The following MYO9A variants were observed in gnomAD, a reference collection of about 807,000 sequenced individuals.
The protein encoded by MYO9A is unconventional myosin-IXa.
MYO9A carries 103 observed loss-of-function variants against 293.3 expected under a neutral mutation model. The observed-to-expected ratio is 0.35, with a 90% CI of 0.30 to 0.41. The LOEUF (loss-of-function observed/expected upper bound fraction) is 0.41, where lower values mean the gene tolerates loss of function less well. Ranked by LOEUF, MYO9A falls within the 10% of genes least tolerant of loss-of-function variation. The pLI, the probability that MYO9A is intolerant of heterozygous loss-of-function variation, is 1.00. For synonymous variants in MYO9A, 1,001 were observed against 1,035.7 expected (o/e 0.97, Z 0.64); for missense variants, 2,685 against 3,033.0 (o/e 0.89, Z 2.69).
At chr15:72,040,997 C>T (rs2078210746) in intron 2 of MYO9A, among the ~76,000 whole-genome samples, 1 of 152,160 alleles carries the variant, frequency 6.6e-6, no homozygotes, top group Non-Finnish European at 1.5e-5. Context: ...GTAATTCTAG[C>T]ACTTTGGGAA....
At chr15:72,085,287 G>T (rs1315802319) in intron 1 of MYO9A, among the ~76,000 whole-genome samples, 1 of 152,034 alleles carries the variant, frequency 6.6e-6, no homozygotes, top group Non-Finnish European at 1.5e-5. Flanking sequence ...CCGCTTTTCG[G>T]GAAGCTGAGG....
At chr15:71,883,868 A>G in intron 27 of MYO9A, 132 bp from the exon 28 acceptor site, 1 of 807,732 alleles carries the variant, frequency 1.2e-6, no homozygotes, top group Non-Finnish European at 1.8e-6. Context: ...AATTAAGTGT[A>G]TTTATCTTTA....
intron 1 of MYO9A, among the ~76,000 whole-genome samples, chr15:72,062,313 A>G (rs2078900865): frequency 6.6e-6 from 1 of 152,240 alleles, no homozygotes; most frequent in Non-Finnish European, 1.5e-5. Flanking sequence ...GAACACCCAC[A>G]GGCATCAAGA....
chr15:72,008,654 T>C (rs1326677184), intron 7 of MYO9A, among the ~76,000 whole-genome samples: 1 of 152,112 alleles, frequency 6.6e-6, no homozygotes, highest in Non-Finnish European at 1.5e-5. Context: ...TTATGCTATA[T>C]ATCCCATCAA....
In MYO9A at chr15:71,823,895, T is replaced by A. The variant is rs558000515; in HGVS notation, c.*2685A>T. 6.6e-6 allele frequency: 1 copy of A among 152,352 alleles called. No individual in the cohort carries two copies. The highest frequency in any genetic ancestry group is 2.4e-5 in the African/African-American group (1 of 41,576). 9.4% of individuals were successfully genotyped at this position (152,352 alleles called of 1,614,324 possible). A position where few individuals can be genotyped will look rare whatever the true frequency, so the allele number is the denominator to read the frequency against. On this transcript the variant is annotated 3_prime_UTR_variant, in exon 42 of 42. Coordinates refer to ENST00000356056, the MANE Select transcript of MYO9A (RefSeq NM_006901.4). ...GTGATGCATATTAAGGGCTAACAGT[T>A]TCATAAGTGATTGTAATGCGGCATC...
chr15:72,047,770 CTTCCTT>C (rs1166483496), intron 1 of MYO9A, among the ~76,000 whole-genome samples: 2 of 74,278 alleles, frequency 2.7e-5, no homozygotes, highest in Non-Finnish European at 5.1e-5. Flanking sequence ...CTTTCAGTTA[CTTCCTT>C]TTTTTTTTTT....
intron 1 of MYO9A, among the ~76,000 whole-genome samples, chr15:72,082,528 CTTTA>C (rs752868910): frequency 1.3e-5 from 2 of 152,050 alleles, no homozygotes; most frequent in African/African-American, 2.4e-5. Flanking sequence ...TTTAAATGCC[CTTTA>C]TTTCTTTCCC....
At position 71,941,787 on chromosome 15, in the gene MYO9A, T is replaced by C. The variant is rs947364240; in HGVS notation, c.2303-2860A>G. 2.6e-5 allele frequency among the ~76,000 whole-genome samples: 4 copies of C among 151,982 alleles called. No homozygotes were observed. In the South Asian group the frequency reaches 6.2e-4, roughly 24 times the overall value. ...AAAGGAAAAAAAGGTACACGACATA[T>C]GAAGGAATGACAATGGGATGACAAT... On this transcript the variant is annotated intron_variant, in intron 15 of 41. Transcript: ENST00000356056.
At chr15:71,987,057 A>G (rs2076424660) in intron 11 of MYO9A, among the ~76,000 whole-genome samples, 1 of 152,080 alleles carries the variant, frequency 6.6e-6, no homozygotes, top group Admixed American at 6.6e-5. Context: ...ATACATTTAG[A>G]TACACAAATA....
chr15:71,958,929 C>G (rs2059263707), intron 14 of MYO9A: 1 of 152,134 alleles, frequency 6.6e-6, no homozygotes, highest in Non-Finnish European at 1.5e-5. Flanking sequence ...TAGGCTTTGA[C>G]AGTAAATACA....
intron 1 of MYO9A, among the ~76,000 whole-genome samples, chr15:72,055,594 A>G (rs2078695920): frequency 6.6e-6 from 1 of 152,206 alleles, no homozygotes; most frequent in South Asian, 2.1e-4. Context: ...TCCAGAATCT[A>G]CAAGGAACTC....
At position 71,911,961 on chromosome 15, in the gene MYO9A, T is replaced by C. The variant is rs573052562; in HGVS notation, c.2685+4409A>G. On this transcript the variant is annotated intron_variant, in intron 19 of 41. Transcript: ENST00000356056. ...ACTTGTTTCTATTTATCAGTCTGAA[T>C]TTTCTTTTTCCTTTTTTTTATTGAG... 1.6e-4 allele frequency among the ~76,000 whole-genome samples: 25 copies of C among 152,272 alleles called. No individual in the cohort carries two copies. In the South Asian group the frequency reaches 2.1e-3, roughly 13 times the overall value.
intron 1 of MYO9A, among the ~76,000 whole-genome samples, chr15:72,060,816 A>C (rs2078857341): frequency 6.6e-6 from 1 of 152,170 alleles, no homozygotes; most frequent in Admixed American, 6.5e-5. Flanking sequence ...ACTTGGAATC[A>C]GTGGACTTGA....
At chr15:71,862,351 A>T (rs1567207464) in intron 33 of MYO9A, 149 bp downstream of exon 33, 2 of 629,410 alleles carry the variant, frequency 3.2e-6, no homozygotes, top group Admixed American at 3.0e-5. Context: ...TTTAGAGACA[A>T]AGAGTAGGTG....
rs2054326469 is a variant in MYO9A, at chr15:71,822,836, T to C, written c.*3744A>G. 1 of 152,206 alleles carries C rather than the reference T, an allele frequency of 6.6e-6. No individual in the cohort carries two copies. Among genetic ancestry groups the C allele is most frequent in the Non-Finnish European group, 1.5e-5 (1 of 68,032 alleles). The allele number at this position is 152,206 out of a possible 1,614,324, so 9.4% of individuals were successfully genotyped here. On this transcript the variant is annotated 3_prime_UTR_variant, in exon 42 of 42. Transcript: ENST00000356056. ...TCAACCAGGGGACCAACATGAGACC[T>C]AATAGATCCATCTCCACAATCATCA...
At chr15:71,992,782 A>ACT (rs1481650314) in intron 10 of MYO9A, among the ~76,000 whole-genome samples, 4 of 151,716 alleles carry the variant, frequency 2.6e-5, no homozygotes, top group Admixed American at 2.0e-4. Context: ...ATAGTTAGAA[A>ACT]AAGTCTAAAC....
chr15:71,919,456 T>G (rs2058097418), intron 18 of MYO9A, among the ~76,000 whole-genome samples: 1 of 148,536 alleles, frequency 6.7e-6, no homozygotes, highest in African/African-American at 2.5e-5. Flanking sequence ...AAACAAAAAA[T>G]AAATAAGAGA....
intron 13 of MYO9A, among the ~76,000 whole-genome samples, chr15:71,962,738 A>G (rs900444817): frequency 1.3e-5 from 2 of 152,228 alleles, no homozygotes; most frequent in Non-Finnish European, 2.9e-5. Flanking sequence ...CAAAGAGACA[A>G]TAAGTACCAG....
At chr15:72,030,833 C>T (rs2077841829) in intron 3 of MYO9A, among the ~76,000 whole-genome samples, 1 of 152,094 alleles carries the variant, frequency 6.6e-6, no homozygotes, top group African/African-American at 2.4e-5. Flanking sequence ...TCTTCCTATA[C>T]ATACATACCT....
Sources: allele counts gnomAD v4.1 joint callset (sites outside exome capture counted in the v4.1 genomes callset), GRCh38; gene constraint gnomAD v4.1.1; transcripts MANE v1.5; gene names NCBI Gene and HGNC (gene_info 2026-07-23, HGNC 2026-07-21).